LINGO2: variants seen among roughly 807,000 people sequenced by gnomAD.
LINGO2 encodes the protein leucine-rich repeat and immunoglobulin-like domain-containing nogo receptor-interacting protein 2.
A neutral mutation model predicts 30.6 loss-of-function variants in LINGO2; 14 were observed. The observed-to-expected ratio is 0.46, with a 90% CI of 0.30 to 0.72. The LOEUF is 0.72. Among genes scored for constraint, LINGO2 ranks in the 30% least tolerant of loss-of-function variants. The pLI is 0.07. For synonymous variants in LINGO2, 317 were observed against 288.5 expected (o/e 1.10, Z -1.00); for missense variants, 729 against 751.7 (o/e 0.97, Z 0.35).
At chr9:28,220,944 T>G (rs1308713491) in intron 4 of LINGO2, among the ~76,000 whole-genome samples, 1 of 152,048 alleles carries the variant, frequency 6.6e-6, no homozygotes, top group Non-Finnish European at 1.5e-5. Context: ...AGGAATAAAT[T>G]CAAGAGATCC....
At chr9:28,574,119 A>G (rs970448059) in intron 1 of LINGO2, among the ~76,000 whole-genome samples, 2 of 152,314 alleles carry the variant, frequency 1.3e-5, no homozygotes, top group Middle Eastern at 3.4e-3. Flanking sequence ...CTTTCACTAC[A>G]GACTTCTAAG....
At chr9:28,492,514 A>T (rs1459972510) in intron 1 of LINGO2, among the ~76,000 whole-genome samples, 4 of 152,192 alleles carry the variant, frequency 2.6e-5, no homozygotes, top group African/African-American at 9.6e-5. Flanking sequence ...TGACAATAAA[A>T]TTCCACATAG....
intron 4 of LINGO2, among the ~76,000 whole-genome samples, chr9:28,220,554 C>T (rs977601523): frequency 2.0e-5 from 3 of 152,082 alleles, no homozygotes; most frequent in Non-Finnish European, 2.9e-5. Context: ...GCTCTGAATA[C>T]GGCTTAAAAA....
At chr9:28,319,065 A>G (rs1824944244) in intron 3 of LINGO2, among the ~76,000 whole-genome samples, 1 of 152,292 alleles carries the variant, frequency 6.6e-6, no homozygotes, top group Non-Finnish European at 1.5e-5. Context: ...GTGACAATTT[A>G]TGTATTGCAT....
the LINGO2 span, among the ~76,000 whole-genome samples, chr9:28,896,070 A>T: frequency 6.6e-6 from 1 of 152,260 alleles, no homozygotes; most frequent in Admixed American, 6.5e-5. Context: ...AAAGGGCTCT[A>T]ACATTTAAAA....
chr9:28,863,727 A>G, the LINGO2 span: 1 of 492,812 alleles, frequency 2.0e-6, no homozygotes, highest in Non-Finnish European at 4.3e-6. Context: ...AAAGCCTGGT[A>G]CCTATGAACC....
At chr9:28,566,902 C>T (rs1380778013) in intron 1 of LINGO2, among the ~76,000 whole-genome samples, 1 of 152,114 alleles carries the variant, frequency 6.6e-6, no homozygotes, top group African/African-American at 2.4e-5. Flanking sequence ...CAAAAAGTTG[C>T]TAACTTCTTT....
chr9:28,602,135 C>T (rs1825509203), intron 1 of LINGO2, among the ~76,000 whole-genome samples: 1 of 151,948 alleles, frequency 6.6e-6, no homozygotes, highest in African/African-American at 2.4e-5. Flanking sequence ...AAAATTCCAG[C>T]CTAGGCTTAC....
intron 1 of LINGO2, among the ~76,000 whole-genome samples, chr9:28,485,598 G>A (rs1826138423): frequency 6.6e-6 from 1 of 152,072 alleles, no homozygotes; most frequent in Non-Finnish European, 1.5e-5. Flanking sequence ...TGATATCTGA[G>A]AGAGGGAAGT....
At chr9:28,456,605 T>C (rs1824857425) in intron 2 of LINGO2, among the ~76,000 whole-genome samples, 1 of 152,256 alleles carries the variant, frequency 6.6e-6, no homozygotes, top group South Asian at 2.1e-4. Context: ...TTTTGAGAAA[T>C]TGCCCAGTAG....
At chr9:28,894,458 C>A in the LINGO2 span, among the ~76,000 whole-genome samples, 1 of 151,908 alleles carries the variant, frequency 6.6e-6, no homozygotes. Context: ...TTAAATATGT[C>A]AATTATTTCT....
In LINGO2 at chr9:28,252,460, C is replaced by T. The variant is rs112834165; in HGVS notation, c.-87+42748G>A. Among the ~76,000 whole-genome samples, 800 of 152,146 alleles carry T rather than the reference C, an allele frequency of 5.3e-3. 7 individuals are homozygous for T. The highest frequency in any genetic ancestry group is 0.017 in the African/African-American group (721 of 41,524). Reference sequence around the variant, plus strand: ...CAGGATGGTCTCAATCTCTTAACCTCGTGATCTGCCCCCCTTGGCCTCCCA... The same window carrying T: ...CAGGATGGTCTCAATCTCTTAACCTTGTGATCTGCCCCCCTTGGCCTCCCA... On this transcript the variant is annotated intron_variant, in intron 4 of 5. Transcript: ENST00000379992.
chr9:28,186,160 C>G (rs1819534800), intron 4 of LINGO2, among the ~76,000 whole-genome samples: 1 of 152,134 alleles, frequency 6.6e-6, no homozygotes, highest in Non-Finnish European at 1.5e-5. Context: ...TACAATTTGA[C>G]TTTTGACATT....
intron 2 of LINGO2, among the ~76,000 whole-genome samples, chr9:28,448,858 T>G (rs959114250): frequency 3.3e-5 from 5 of 151,900 alleles, no homozygotes; most frequent in Admixed American, 2.0e-4. Context: ...TTTGGGAATG[T>G]TAAGTTATCC....
intron 4 of LINGO2, among the ~76,000 whole-genome samples, chr9:28,215,035 A>C (rs34167098): frequency 1.3e-5 from 2 of 151,538 alleles, no homozygotes; most frequent in Non-Finnish European, 3.0e-5. Context: ...TCTTTCTTCT[A>C]CAGGAAATGT....
chr9:28,305,988 A>T (rs541857150), intron 3 of LINGO2, among the ~76,000 whole-genome samples: 2 of 152,078 alleles, frequency 1.3e-5, no homozygotes, highest in African/African-American at 2.4e-5. Flanking sequence ...AAGTATTTGG[A>T]AACTGCCTAA....
chr9:28,421,218 T>C (rs1823181316), intron 2 of LINGO2, among the ~76,000 whole-genome samples: 1 of 151,734 alleles, frequency 6.6e-6, no homozygotes, highest in African/African-American at 2.4e-5. Flanking sequence ...AGAACAAGAA[T>C]AAACCTAATT....
chr9:28,293,171 C>A (rs1211350446), intron 4 of LINGO2, among the ~76,000 whole-genome samples: 1 of 152,046 alleles, frequency 6.6e-6, no homozygotes, highest in Non-Finnish European at 1.5e-5. Context: ...TATCATAGCT[C>A]ACTGTAACCT....
At chr9:28,412,349 T>TA in intron 2 of LINGO2, among the ~76,000 whole-genome samples, 1 of 152,218 alleles carries the variant, frequency 6.6e-6, no homozygotes, top group African/African-American at 2.4e-5. Context: ...TATGTTCTTT[T>TA]AAAATATCTA....
Sources: gnomAD v4.1 joint callset for allele counts (sites outside exome capture counted in the v4.1 genomes callset) on GRCh38, gnomAD v4.1.1 for gene constraint, MANE v1.5 for transcripts, NCBI Gene and HGNC (gene_info 2026-07-23, HGNC 2026-07-21) for gene names.